SLC25A21: variants seen among roughly 807,000 people sequenced by gnomAD.
SLC25A21 encodes the protein solute carrier family 25 member 21.
A neutral mutation model predicts 43.8 loss-of-function variants in SLC25A21; 47 were observed. The ratio of observed to expected loss-of-function variants is 1.07; its 90% confidence interval spans 0.85 to 1.37. SLC25A21 has a LOEUF of 1.37. Among genes scored for constraint, SLC25A21 ranks in the 40% most tolerant of loss-of-function variants. The pLI is 0.00. For missense variants in SLC25A21, 352 were observed against 350.2 expected, an observed-to-expected ratio of 1.00 and a Z score of -0.04; for synonymous variants, 131 against 121.3, an observed-to-expected ratio of 1.08 and a Z score of -0.52.
intron 2 of SLC25A21, among the ~76,000 whole-genome samples, chr14:36,857,338 G>A (rs1348974704): frequency 6.6e-6 from 1 of 152,152 alleles, no homozygotes; most frequent in Non-Finnish European, 1.5e-5. Context: ...CACTGCGGGA[G>A]TCTCTATTTA....
At chr14:37,035,212 T>A (rs1961301669) in intron 1 of SLC25A21, among the ~76,000 whole-genome samples, 1 of 152,228 alleles carries the variant, frequency 6.6e-6, no homozygotes, top group Admixed American at 6.5e-5. Context: ...AATACGATGA[T>A]TCTATCTGGA....
At chr14:36,831,797 T>C (rs1259747214) in intron 2 of SLC25A21, among the ~76,000 whole-genome samples, 1 of 152,212 alleles carries the variant, frequency 6.6e-6, no homozygotes, top group African/African-American at 2.4e-5. Flanking sequence ...GAAGATGTCA[T>C]GCCTACAAAT....
rs1399361855 is a variant in SLC25A21 at position 37,020,224 on chromosome 14, TTTGAGGATTATAATCCATA to T, written c.71-145239_71-145221del. Among the ~76,000 whole-genome samples, 3 of 151,996 alleles carry T rather than the reference TTTGAGGATTATAATCCATA, an allele frequency of 2.0e-5. No individual in the cohort carries two copies. In the East Asian group the frequency reaches 5.8e-4, roughly 29 times the overall value. On this transcript the variant is annotated intron_variant, in intron 1 of 9. Transcript: ENST00000331299. ...TATTTGCCCTAAATAATAAAAAAAG[TTTGAGGATTATAATCCATA>T]TATCACTCTGGTAAGCTGTACATAG...
intron 7 of SLC25A21, among the ~76,000 whole-genome samples, chr14:36,708,621 G>A (rs1883683195): frequency 6.6e-6 from 1 of 152,124 alleles, no homozygotes; most frequent in African/African-American, 2.4e-5. Context: ...AAATTTTGTA[G>A]AGACAGGGTC....
At chr14:36,936,730 T>C (rs1396289339) in intron 1 of SLC25A21, among the ~76,000 whole-genome samples, 1 of 152,218 alleles carries the variant, frequency 6.6e-6, no homozygotes, top group Admixed American at 6.5e-5. Flanking sequence ...TTCAATATGA[T>C]AGTTTTAAAA....
chr14:36,851,911 C>A (rs1327425733), intron 2 of SLC25A21, among the ~76,000 whole-genome samples: 1 of 152,074 alleles, frequency 6.6e-6, no homozygotes, highest in Non-Finnish European at 1.5e-5. Flanking sequence ...AGATCAGCTA[C>A]TTTAAGGAGG....
chr14:36,963,034 G>A (rs148472986), intron 1 of SLC25A21, among the ~76,000 whole-genome samples: 2,145 of 152,186 alleles, frequency 0.014, 57 homozygotes, highest in African/African-American at 0.048. Flanking sequence ...TTATTGTGAG[G>A]CCTAAGTTGG....
intron 7 of SLC25A21, among the ~76,000 whole-genome samples, chr14:36,705,386 C>T (rs1178691351): frequency 6.6e-6 from 1 of 152,062 alleles, no homozygotes; most frequent in Non-Finnish European, 1.5e-5. Context: ...GCAAACATAG[C>T]CTTAGAATTA....
In SLC25A21 at chr14:36,684,880, A is replaced by C. The variant is rs1447931995; in HGVS notation, c.649T>G (p.Ser217Ala). 2 of 1,611,988 alleles carry C rather than the reference A, an allele frequency of 1.2e-6. No homozygotes were observed. Among genetic ancestry groups the C allele is most frequent in the African/African-American group, 2.7e-5 (2 of 74,798 alleles). ...TTAATGACTGAGGCTATTGTCCCCG[A>C]GAGAAGACCAATCCCAAATTTTCTC... ...FWRKFGIGLL[S>A]GTIASVINIP... The change falls in exon 8 of 10, where the codon TCG becomes GCG. Residue 217 changes from serine to alanine, a missense_variant. Ser to Ala is a moderately conservative substitution (Grantham distance 99). Coordinates refer to ENST00000331299, the MANE Select transcript of SLC25A21 (RefSeq NM_030631.4).
At chr14:36,878,121 T>C (rs116469082) in intron 1 of SLC25A21, among the ~76,000 whole-genome samples, 2,279 of 152,172 alleles carry the variant, frequency 0.015, 65 homozygotes, top group African/African-American at 0.052. Context: ...CTCTCTCCAT[T>C]GGTAAACAGT....
intron 2 of SLC25A21, among the ~76,000 whole-genome samples, chr14:36,819,547 A>G (rs1888560087): frequency 6.6e-6 from 1 of 152,194 alleles, no homozygotes; most frequent in African/African-American, 2.4e-5. Context: ...TGGCCAAAAG[A>G]AAGATATGCC....
intron 1 of SLC25A21, among the ~76,000 whole-genome samples, chr14:36,947,828 T>A (rs775835381): frequency 6.6e-6 from 1 of 152,180 alleles, no homozygotes; most frequent in Non-Finnish European, 1.5e-5. Context: ...CCGATATTCA[T>A]TTTTCCTCTT....
chr14:37,089,871 A>C (rs1402298343), intron 1 of SLC25A21, among the ~76,000 whole-genome samples: 1 of 152,214 alleles, frequency 6.6e-6, no homozygotes, highest in African/African-American at 2.4e-5. Context: ...TGCCCTTTAA[A>C]GTGACATCTT....
At chr14:36,993,268 A>G (rs1446248663) in intron 1 of SLC25A21, among the ~76,000 whole-genome samples, 1 of 152,214 alleles carries the variant, frequency 6.6e-6, no homozygotes, top group Non-Finnish European at 1.5e-5. Context: ...GAGTGGTGTC[A>G]TTGGAGAATG....
At chr14:36,739,045 G>A (rs923905750) in intron 3 of SLC25A21, among the ~76,000 whole-genome samples, 3 of 151,974 alleles carry the variant, frequency 2.0e-5, no homozygotes, top group Non-Finnish European at 2.9e-5. Context: ...TTATGTCCTT[G>A]ACCACCAGGC....
chr14:36,679,164 G>T lies in SLC25A21; in HGVS notation c.*1494C>A. The T allele has an allele frequency of 1.0e-6, 1 of 985,252 alleles. No homozygotes were observed. The highest frequency in any genetic ancestry group is 1.2e-6 in the Non-Finnish European group (1 of 829,838). The allele number at this position is 985,252 out of a possible 1,614,324, so 61.0% of individuals were successfully genotyped here. On this transcript the variant is annotated 3_prime_UTR_variant, in exon 10 of 10. Coordinates refer to ENST00000331299, the MANE Select transcript of SLC25A21 (RefSeq NM_030631.4). ...GGATAGAATGCAGTTGTGCAACAGA[G>T]ACACATTCTTATTTCTTTTTTTTCA...
intron 2 of SLC25A21, among the ~76,000 whole-genome samples, chr14:36,852,151 C>T (rs1311240048): frequency 1.3e-5 from 2 of 152,128 alleles, no homozygotes; most frequent in Non-Finnish European, 2.9e-5. Context: ...TTCTATGTAT[C>T]ATTTTCTTTA....
chr14:36,919,944 C>T (rs537461647), intron 1 of SLC25A21, among the ~76,000 whole-genome samples: 39 of 152,160 alleles, frequency 2.6e-4, no homozygotes, highest in African/African-American at 8.4e-4. Flanking sequence ...TGAAAGCTCT[C>T]GTTTTGTATA....
chr14:36,706,598 C>T (rs1044989183), intron 7 of SLC25A21, among the ~76,000 whole-genome samples: 1 of 152,184 alleles, frequency 6.6e-6, no homozygotes. Context: ...CCTCCATAAG[C>T]CCATTCCTCT....
Sources: allele counts gnomAD v4.1 joint callset (sites outside exome capture counted in the v4.1 genomes callset), GRCh38; gene constraint gnomAD v4.1.1; transcripts MANE v1.5; gene names NCBI Gene and HGNC (gene_info 2026-07-23, HGNC 2026-07-21).